The following SH3D19 variants were observed in gnomAD, a reference collection of about 807,000 sequenced individuals.
SH3D19 encodes the protein SH3 domain-containing protein 19.
Under a neutral mutation model 112.1 loss-of-function variants are expected in SH3D19, and 58 were observed. That is an observed-to-expected ratio of 0.52 (90% CI 0.42 to 0.64). The LOEUF is 0.64. Among genes scored for constraint, SH3D19 ranks in the 30% least tolerant of loss-of-function variants. The probability of loss-of-function intolerance (pLI) is 0.00; values close to 1 mark genes in which losing one functional copy is unlikely to be tolerated. For synonymous variants in SH3D19, 391 were observed against 448.5 expected (o/e 0.87, Z 1.62); for missense variants, 1,090 against 1,263.4 (o/e 0.86, Z 2.08).
intron 8 of SH3D19, among the ~76,000 whole-genome samples, chr4:151,163,097 T>C (rs777087837): frequency 5.9e-5 from 9 of 152,162 alleles, no homozygotes; most frequent in Non-Finnish European, 1.2e-4. Context: ...CTGGTTGACA[T>C]TTCACACTTG....
intron 1 of SH3D19, among the ~76,000 whole-genome samples, chr4:151,250,365 C>T (rs1041455383): frequency 2.6e-5 from 4 of 152,002 alleles, no homozygotes; most frequent in Non-Finnish European, 5.9e-5. Flanking sequence ...AGTTAAGTTG[C>T]ATGTAGAATG....
chr4:151,131,863 C>T (rs1272386879), intron 17 of SH3D19, among the ~76,000 whole-genome samples: 2 of 151,986 alleles, frequency 1.3e-5, no homozygotes, highest in Non-Finnish European at 2.9e-5. Context: ...CTCGCACTGC[C>T]ACCCAGGCTG....
chr4:151,227,825 C>T (rs913676629), intron 1 of SH3D19: 28 of 985,324 alleles, frequency 2.8e-5, no homozygotes, highest in Non-Finnish European at 3.3e-5. Context: ...ATCCTAGTTA[C>T]ATAGTTTACT....
chr4:151,250,475 C>A (rs1008473135), intron 1 of SH3D19, among the ~76,000 whole-genome samples: 1 of 150,420 alleles, frequency 6.6e-6, no homozygotes. Flanking sequence ...GTATATGGAC[C>A]CCACACAAAT....
At chr4:151,184,086 C>A (rs1291857436) in intron 3 of SH3D19, among the ~76,000 whole-genome samples, 1 of 152,126 alleles carries the variant, frequency 6.6e-6, no homozygotes, top group Admixed American at 6.5e-5. Flanking sequence ...ACATAAAATT[C>A]TAGATGTATC....
chr4:151,253,251 C>A (rs1405305186), intron 1 of SH3D19, among the ~76,000 whole-genome samples: 2 of 152,192 alleles, frequency 1.3e-5, no homozygotes, highest in East Asian at 1.9e-4. Flanking sequence ...TCCAAGCACA[C>A]CCCTGCCTCA....
chr4:151,308,150 C>T (rs111577196), intron 1 of SH3D19, among the ~76,000 whole-genome samples: 12,696 of 152,200 alleles, frequency 0.083, 1,661 homozygotes, highest in African/African-American at 0.28. Context: ...AAGTGATCCA[C>T]CCACCTCGGC....
At chr4:151,172,319 G>A (rs1012718524) in intron 7 of SH3D19, among the ~76,000 whole-genome samples, 2 of 152,122 alleles carry the variant, frequency 1.3e-5, no homozygotes, top group Non-Finnish European at 2.9e-5. Context: ...GCCTTTGGAG[G>A]GCATAAGTAG....
intron 9 of SH3D19, among the ~76,000 whole-genome samples, chr4:151,153,831 G>A (rs1005711049): frequency 2.0e-5 from 3 of 152,116 alleles, no homozygotes; most frequent in Admixed American, 6.6e-5. Context: ...GTCATGTGAG[G>A]AACAAACACA....
chr4:151,198,329 ATATAAAAATATATAT>A (rs1763824683), intron 2 of SH3D19, among the ~76,000 whole-genome samples: 3 of 57,396 alleles, frequency 5.2e-5, no homozygotes, highest in African/African-American at 9.4e-5. Context: ...TATATATATA[ATATAAAAATATATAT>A]TATATAAAAT....
intron 1 of SH3D19, among the ~76,000 whole-genome samples, chr4:151,232,919 C>T (rs567571363): frequency 2.8e-4 from 43 of 152,288 alleles, no homozygotes; most frequent in Admixed American, 5.9e-4. Flanking sequence ...CCCATTAATG[C>T]GGGGGTCCCC....
intron 2 of SH3D19, among the ~76,000 whole-genome samples, chr4:151,203,379 T>C (rs1160953931): frequency 1.3e-5 from 2 of 152,252 alleles, no homozygotes; most frequent in Non-Finnish European, 2.9e-5. Flanking sequence ...CTTTAGCTTA[T>C]TTATTTTTGC....
chr4:151,295,154 T>C (rs1775613381), intron 1 of SH3D19, among the ~76,000 whole-genome samples: 1 of 152,208 alleles, frequency 6.6e-6, no homozygotes, highest in Non-Finnish European at 1.5e-5. Context: ...CTGAATTTCA[T>C]TCTCAGTGAC....
intron 1 of SH3D19, among the ~76,000 whole-genome samples, chr4:151,246,252 T>C (rs528421312): frequency 5.9e-5 from 9 of 152,352 alleles, no homozygotes; most frequent in Middle Eastern, 3.4e-3. Flanking sequence ...CATTTCTATT[T>C]CTCTGAGTTT....
intron 1 of SH3D19, among the ~76,000 whole-genome samples, chr4:151,267,451 T>G (rs748144002): frequency 2.7e-4 from 41 of 151,462 alleles, no homozygotes; most frequent in Non-Finnish European, 4.7e-4. Context: ...TGGCCCTAGT[T>G]ATTTGTACCT....
At chr4:151,277,201 TG>T in intron 1 of SH3D19, 1 of 1,501,940 alleles carries the variant, frequency 6.7e-7, no homozygotes, top group South Asian at 1.3e-5. Flanking sequence ...GCCTTCACGC[TG>T]CTCCTTCTGC....
At chr4:151,235,025 C>T (rs1419604579) in intron 1 of SH3D19, among the ~76,000 whole-genome samples, 2 of 152,160 alleles carry the variant, frequency 1.3e-5, no homozygotes, top group African/African-American at 4.8e-5. Flanking sequence ...GCTGGGATTA[C>T]AGGCATGAGC....
intron 1 of SH3D19, among the ~76,000 whole-genome samples, chr4:151,269,813 A>C (rs949630078): frequency 4.0e-5 from 6 of 150,460 alleles, no homozygotes; most frequent in African/African-American, 1.5e-4. Flanking sequence ...AAAATTTTTT[A>C]TTTTTACCTT....
At chr4:151,161,199 T>C (rs1289876057) in intron 8 of SH3D19, among the ~76,000 whole-genome samples, 8 of 151,896 alleles carry the variant, frequency 5.3e-5, no homozygotes, top group African/African-American at 1.9e-4. Context: ...GAAGGATTGG[T>C]GAGGGAGGGA....
Sources: allele counts gnomAD v4.1 joint callset (sites outside exome capture counted in the v4.1 genomes callset), GRCh38; gene constraint gnomAD v4.1.1; transcripts MANE v1.5; gene names NCBI Gene and HGNC (gene_info 2026-07-23, HGNC 2026-07-21).